The following ASCC3 variants were observed in gnomAD, a reference collection of about 807,000 sequenced individuals.
ASCC3 encodes ASC-1 complex subunit P200.
Under a neutral mutation model 256.3 loss-of-function variants are expected in ASCC3, and 158 were observed. That is an observed-to-expected ratio of 0.62 (90% CI 0.54 to 0.70). The LOEUF is 0.70. Among genes scored for constraint, ASCC3 ranks in the 30% least tolerant of loss-of-function variants. ASCC3 has a pLI of 0.00. For missense variants in ASCC3, 2,259 were observed against 2,626.0 expected, an observed-to-expected ratio of 0.86 and a Z score of 3.05; for synonymous variants, 948 against 883.4, an observed-to-expected ratio of 1.07 and a Z score of -1.30.
intron 36 of ASCC3, among the ~76,000 whole-genome samples, chr6:100,542,170 T>C (rs1027966259): frequency 6.6e-6 from 1 of 152,158 alleles, no homozygotes; most frequent in Non-Finnish European, 1.5e-5. Flanking sequence ...AGATTCAAGA[T>C]ATTCAACAAA....
rs1775371073 is a variant in ASCC3, at chr6:100,540,071, T to C, written c.5775+92A>G. ...CTCAACAATGCTACCATAAAGTTGTTAAATGCAAGTACATTTTATCCTAAA... is the reference window on the plus strand; with the variant it reads ...CTCAACAATGCTACCATAAAGTTGTCAAATGCAAGTACATTTTATCCTAAA... On this transcript the variant is annotated intron_variant, in intron 37 of 41. Transcript: ENST00000369162. The C allele has an allele frequency of 5.9e-6, 7 of 1,187,984 alleles. No individual in the cohort carries two copies. The South Asian group carries it at 8.8e-5, about 15-fold the overall frequency. 73.6% of individuals were successfully genotyped at this position (1,187,984 alleles called of 1,614,324 possible).
At chr6:100,743,873 A>G (rs1028777802) in intron 10 of ASCC3, among the ~76,000 whole-genome samples, 8 of 152,178 alleles carry the variant, frequency 5.3e-5, no homozygotes, top group Non-Finnish European at 7.4e-5. Context: ...AATACTCACA[A>G]ATCTTTAAAA....
chr6:100,766,958 T>A (rs375281014), intron 9 of ASCC3, among the ~76,000 whole-genome samples, 187 bp downstream of exon 9: 1 of 152,324 alleles, frequency 6.6e-6, no homozygotes, highest in South Asian at 2.1e-4. Context: ...GCTTCTTACA[T>A]GGTAATAGAA....
chr6:100,659,991 T>C (rs527988155), intron 16 of ASCC3, among the ~76,000 whole-genome samples: 3 of 151,578 alleles, frequency 2.0e-5, no homozygotes, highest in South Asian at 2.1e-4. Context: ...ATTTGAAATA[T>C]AGTCTTCCTT....
At position 100,718,215 on chromosome 6, in the gene ASCC3, G is replaced by C; in HGVS notation, c.1939C>G (p.Leu647Val). 6.2e-7 allele frequency: 1 copy of C among 1,612,522 alleles called. No homozygotes were observed. Among genetic ancestry groups the C allele is most frequent in the Middle Eastern group, 1.7e-4 (1 of 6,050 alleles). The change falls in exon 12 of 42, where the codon CTG becomes GTG. Residue 647 changes from leucine to valine, a missense_variant. By Grantham distance (32) the Leu-to-Val change is conservative. Around this residue, in one of 2 missense-constraint regions of ASCC3, gnomAD observed 1,839 missense variants for 2,206.7 expected, o/e 0.83. Transcript: ENST00000369162. ...STQSMIRILG[L>V]SATLPNYLDV... ...AGGTAGTTAGGTAAAGTTGCAGACA[G>C]TCCGAGAATCCTTATCATACTCTGT...
In ASCC3 at chr6:100,635,229, C is replaced by T. The variant is rs1774786789; in HGVS notation, c.4122+3372G>A. Reference sequence around the variant, plus strand: ...TATATATATGTGATATATATGTACACACACACACACAATGAAATATTATTC... The same window carrying T: ...TATATATATGTGATATATATGTACATACACACACACAATGAAATATTATTC... On this transcript the variant is annotated intron_variant, in intron 25 of 41. Transcript: ENST00000369162. 7.9e-5 allele frequency among the ~76,000 whole-genome samples: 12 copies of T among 151,896 alleles called. 1 individual carries two copies. Among genetic ancestry groups the T allele is most frequent in the Admixed American group, 7.2e-4 (11 of 15,246 alleles).
intron 36 of ASCC3, among the ~76,000 whole-genome samples, chr6:100,543,946 A>G (rs997061846): frequency 8.5e-5 from 13 of 152,118 alleles, no homozygotes; most frequent in African/African-American, 2.9e-4. Flanking sequence ...AGATCATATT[A>G]GAGGGCCATA....
intron 10 of ASCC3, among the ~76,000 whole-genome samples, chr6:100,741,005 G>C (rs1043598092): frequency 3.3e-5 from 5 of 152,160 alleles, no homozygotes; most frequent in Admixed American, 2.0e-4. Context: ...ATGTGTTTTT[G>C]TAGTGACTGG....
intron 1 of ASCC3, among the ~76,000 whole-genome samples, chr6:100,871,219 C>A (rs1773725636): frequency 6.6e-6 from 1 of 152,010 alleles, no homozygotes; most frequent in Non-Finnish European, 1.5e-5. Context: ...CCTCAGCCTC[C>A]CGAGTAGCTG....
chr6:100,678,761 CAG>C (rs1777149607), intron 14 of ASCC3, among the ~76,000 whole-genome samples: 1 of 151,994 alleles, frequency 6.6e-6, no homozygotes, highest in South Asian at 2.1e-4. Context: ...TGCAAAGAAA[CAG>C]AAAGTAATTT....
At chr6:100,858,438 T>C (rs1433221201) in intron 3 of ASCC3, 1 of 434,458 alleles carries the variant, frequency 2.3e-6, no homozygotes, top group Non-Finnish European at 3.1e-6. Context: ...TTAAGTATGT[T>C]TTCTCCAAGT....
At chr6:100,808,654 T>C (rs943018618) in intron 4 of ASCC3, among the ~76,000 whole-genome samples, 3 of 151,958 alleles carry the variant, frequency 2.0e-5, no homozygotes, top group African/African-American at 7.2e-5. Flanking sequence ...TTGGAAAATA[T>C]AGTTAATTTT....
rs76490574 is a variant in ASCC3, at chr6:100,603,582, A to G, written c.5178-1647T>C. 3.3e-5 allele frequency among the ~76,000 whole-genome samples: 5 copies of G among 152,170 alleles called. No individual in the cohort carries two copies. The East Asian group carries it at 9.7e-4, about 29-fold the overall frequency. ...TTATAAATTATGATGTTTGATATAGATTTTTTGTAGATATTCTTTATCAGA... is the reference window on the plus strand; with the variant it reads ...TTATAAATTATGATGTTTGATATAGGTTTTTTGTAGATATTCTTTATCAGA... On this transcript the variant is annotated intron_variant, in intron 33 of 41. Coordinates refer to ENST00000369162, the MANE Select transcript of ASCC3 (RefSeq NM_006828.4).
At chr6:100,511,423 A>C (rs1301488308) in intron 40 of ASCC3, among the ~76,000 whole-genome samples, 6 of 152,092 alleles carry the variant, frequency 3.9e-5, no homozygotes, top group Non-Finnish European at 1.5e-5. Context: ...CATCTCAAAC[A>C]AACAAACAAA....
At chr6:100,567,500 G>C (rs1475213546) in intron 36 of ASCC3, among the ~76,000 whole-genome samples, 2 of 152,142 alleles carry the variant, frequency 1.3e-5, no homozygotes, top group Non-Finnish European at 2.9e-5. Flanking sequence ...GTTTGGGTAT[G>C]AATGATTCTA....
intron 30 of ASCC3, 58 bp from the exon 31 acceptor site, chr6:100,607,146 T>G: frequency 6.5e-7 from 1 of 1,550,198 alleles, no homozygotes; most frequent in Non-Finnish European, 8.9e-7. Flanking sequence ...TTTTCATTAA[T>G]TTTTCATGTT....
intron 40 of ASCC3, among the ~76,000 whole-genome samples, chr6:100,511,386 C>A (rs1372294302): frequency 4.6e-5 from 7 of 151,986 alleles, no homozygotes; most frequent in Admixed American, 3.3e-4. Context: ...CCCTTGTACT[C>A]CAGCCTGGAT....
chr6:100,874,351 A>G (rs1773889314), intron 1 of ASCC3, among the ~76,000 whole-genome samples: 1 of 151,256 alleles, frequency 6.6e-6, no homozygotes, highest in African/African-American at 2.4e-5. Context: ...CTGTAGTCCC[A>G]GCTACTAAGG....
At chr6:100,565,345 A>T in intron 36 of ASCC3, among the ~76,000 whole-genome samples, 1 of 152,158 alleles carries the variant, frequency 6.6e-6, no homozygotes, top group Middle Eastern at 3.2e-3. Context: ...TCCTAATTCA[A>T]AGAAGTGCTA....
Sources: allele counts gnomAD v4.1 joint callset (sites outside exome capture counted in the v4.1 genomes callset), GRCh38; gene constraint gnomAD v4.1.1; regional missense constraint gnomAD v4.1.1; transcripts MANE v1.5; gene names NCBI Gene and HGNC (gene_info 2026-07-23, HGNC 2026-07-21).